The following DIO2 variants were observed in gnomAD, a reference collection of about 807,000 sequenced individuals.
The protein encoded by DIO2 is iodothyronine deiodinase 2.
A neutral mutation model predicts 21.4 loss-of-function variants in DIO2; 19 were observed. The ratio of observed to expected loss-of-function variants is 0.89; its 90% CI spans 0.62 to 1.30. The LOEUF (loss-of-function observed/expected upper bound fraction) is 1.30, where lower values mean the gene tolerates loss of function less well. DIO2 is among the 50% of genes most tolerant of loss of function. The pLI is 0.00. For synonymous variants in DIO2, 122 were observed against 132.9 expected (o/e 0.92, Z 0.57); for missense variants, 302 against 338.1 (o/e 0.89, Z 0.84).
At chr14:80,205,639 C>T (rs1273894352) in intron 1 of DIO2, 3 of 1,333,186 alleles carry the variant, frequency 2.3e-6, no homozygotes, top group Non-Finnish European at 3.0e-6. Flanking sequence ...GGCACCTTCT[C>T]CTTCTTAGAA....
chr14:80,204,203 T>TA (rs1435594859), intron 1 of DIO2, among the ~76,000 whole-genome samples: 2 of 151,772 alleles, frequency 1.3e-5, no homozygotes, highest in Non-Finnish European at 2.9e-5. Flanking sequence ...CAATTTCCAT[T>TA]TAAAAAAAAA....
intron 2 of DIO2, among the ~76,000 whole-genome samples, chr14:80,223,002 C>T (rs960659132): frequency 3.3e-5 from 5 of 151,882 alleles, no homozygotes; most frequent in Non-Finnish European, 7.4e-5. Context: ...GCTAGGATTA[C>T]TGAAGCATAC....
chr14:80,222,015 C>T (rs1173843129), intron 2 of DIO2, among the ~76,000 whole-genome samples: 1 of 152,054 alleles, frequency 6.6e-6, no homozygotes, highest in Non-Finnish European at 1.5e-5. Flanking sequence ...CCCATATCAC[C>T]GATTACTGAG....
Position 80,202,757 on chromosome 14 carries a change from G to T in DIO2, c.754C>A (p.Gln252Lys). ...TTCTCCAGCCAATGCCGGACTTCTT[G>T]AAGGTTGTAGGAGAAGGGGCCCTTT... Reference protein sequence around the residue: ...GGKGPFSYNLQEVRHWLEKNF... With the variant: ...GGKGPFSYNLKEVRHWLEKNF... Residue 252 changes from glutamine (Q) to lysine (K), a missense_variant, in exon 2 of 2, where the codon CAA (glutamine) becomes AAA (lysine). Coordinates refer to ENST00000438257, the MANE Select transcript of DIO2 (RefSeq NM_013989.5). The T allele has an allele frequency of 6.2e-7, 1 of 1,613,938 alleles. No individual in the cohort carries two copies. Among genetic ancestry groups the T allele is most frequent in the Non-Finnish European group, 8.5e-7 (1 of 1,179,888 alleles).
chr14:80,212,711 C>T (rs1450433261), upstream of DIO2, among the ~76,000 whole-genome samples: 1 of 151,982 alleles, frequency 6.6e-6, no homozygotes, highest in Non-Finnish European at 1.5e-5. Context: ...GAGTCATTAT[C>T]TTATTTAAGA....
At position 80,198,790 on chromosome 14, in the gene DIO2, A is replaced by C. The variant is rs1887592513; in HGVS notation, c.*3899T>G. 6.6e-6 allele frequency: 1 copy of C among 152,012 alleles called. No homozygotes were observed. Among genetic ancestry groups the C allele is most frequent in the Non-Finnish European group, 1.5e-5 (1 of 68,000 alleles). 9.4% of individuals were successfully genotyped at this position (152,012 alleles called of 1,614,324 possible). On this transcript the variant is annotated 3_prime_UTR_variant, in exon 2 of 2. Transcript: ENST00000438257. ...TTTAGGGAAAAAAAAAAAAAAAAAA[A>C]AACCTCCTAAAATTAAAAGCCTTAC...
Position 80,199,083 on chromosome 14 carries a change from G to C in DIO2, c.*3606C>G, listed in dbSNP as rs536390334. The C allele has an allele frequency of 6.6e-6, 1 of 152,304 alleles. No individual in the cohort carries two copies. Among genetic ancestry groups the C allele is most frequent in the South Asian group, 2.1e-4 (1 of 4,824 alleles). The allele number at this position is 152,304 out of a possible 1,614,324, so 9.4% of individuals were successfully genotyped here. A position where few individuals can be genotyped will look rare whatever the true frequency, so the allele number is the denominator to read the frequency against. ...GTCAATTCTTCTTGCTTCGCACATAGGCCATAGGGCATGCTGAGGACACCT... is the reference window on the plus strand; with the variant it reads ...GTCAATTCTTCTTGCTTCGCACATACGCCATAGGGCATGCTGAGGACACCT... On this transcript the variant is annotated 3_prime_UTR_variant, in exon 2 of 2. Coordinates refer to ENST00000438257, the MANE Select transcript of DIO2 (RefSeq NM_013989.5).
chr14:80,204,084 G>T (rs1240717174), intron 1 of DIO2, among the ~76,000 whole-genome samples: 2 of 151,820 alleles, frequency 1.3e-5, no homozygotes, highest in Admixed American at 6.6e-5. Context: ...GTTTGTTTTT[G>T]TTTTTTTAAA....
At chr14:80,205,845 T>A (rs780512374) in intron 1 of DIO2, 53 of 544,010 alleles carry the variant, frequency 9.7e-5, no homozygotes, top group Non-Finnish European at 1.3e-4. Context: ...TTTTATTGAA[T>A]GAATGCTAGT....
At chr14:80,214,007 T>G (rs372927096), upstream of DIO2, among the ~76,000 whole-genome samples, 11 of 152,344 alleles carry the variant, frequency 7.2e-5, no homozygotes, top group East Asian at 1.5e-3. Context: ...ATATGCAATG[T>G]ACATTTACTG....
At position 80,229,956 on chromosome 14, in the gene DIO2, A is replaced by T. The variant is rs746776133; in HGVS notation, c.-277-13219T>A. Among the ~76,000 whole-genome samples, 279 of 152,242 alleles carry T rather than the reference A, an allele frequency of 1.8e-3. 3 individuals carry two copies. The highest frequency in any genetic ancestry group is 0.017 in the Middle Eastern group (5 of 294). On this transcript the variant is annotated intron_variant, in intron 2 of 4. Transcript: ENST00000553594. ...TCAACCTCACCTCTAGGGGCCTGCTAGGACTTTAGTTATAGGTCTAGAAGC... is the reference window on the plus strand; with the variant it reads ...TCAACCTCACCTCTAGGGGCCTGCTTGGACTTTAGTTATAGGTCTAGAAGC...
intron 2 of DIO2, among the ~76,000 whole-genome samples, chr14:80,226,733 C>A (rs1044368822): frequency 1.3e-5 from 2 of 152,186 alleles, no homozygotes; most frequent in African/African-American, 4.8e-5. Flanking sequence ...TGTTCATGGG[C>A]CCATTGGGCA....
chr14:80,198,051 A>G lies in DIO2; in HGVS notation c.*4638T>C, dbSNP rs1005865786. The G allele has an allele frequency of 6.6e-6, 1 of 152,642 alleles. No individual in the cohort carries two copies. The highest frequency in any genetic ancestry group is 2.4e-5 in the African/African-American group (1 of 41,454). 9.5% of individuals were successfully genotyped at this position (152,642 alleles called of 1,614,324 possible). On this transcript the variant is annotated 3_prime_UTR_variant, in exon 2 of 2. Transcript: ENST00000438257. ...CATAAAAACCACGCTGACCAGTGAC[A>G]TGGGCCTGGAGAAGTCTTGAGAGAA... is the stretch of plus-strand genomic sequence containing the variant.
At chr14:80,224,044 T>C (rs916520943) in intron 2 of DIO2, among the ~76,000 whole-genome samples, 1 of 152,208 alleles carries the variant, frequency 6.6e-6, no homozygotes, top group African/African-American at 2.4e-5. Context: ...CAAGTAAGGA[T>C]TGCTGACTCT....
chr14:80,213,751 G>C (rs548924599), upstream of DIO2, among the ~76,000 whole-genome samples: 1 of 152,178 alleles, frequency 6.6e-6, no homozygotes, highest in South Asian at 2.1e-4. Context: ...ATGTGAATGG[G>C]GGTGCCCTGG....
At chr14:80,206,390 A>G (rs1887958833) in intron 1 of DIO2, 1 of 971,940 alleles carries the variant, frequency 1.0e-6, no homozygotes, top group East Asian at 2.7e-5. Context: ...CCTTTAACCT[A>G]AAAGAAAATA....
At chr14:80,206,476 G>T in intron 1 of DIO2, 1 of 539,284 alleles carries the variant, frequency 1.9e-6, no homozygotes. Flanking sequence ...ATAGACCAGA[G>T]TTTCAAATGG....
In DIO2 at chr14:80,201,703, A is replaced by C. The variant is rs1346837913; in HGVS notation, c.*986T>G. ...AACCCACTGAAAATATACATACCAC[A>C]TACATGGTTCAAAAGTAATTATTTC... On this transcript the variant is annotated 3_prime_UTR_variant, in exon 2 of 2. Coordinates refer to ENST00000438257, the MANE Select transcript of DIO2 (RefSeq NM_013989.5). The C allele has an allele frequency of 3.3e-5, 5 of 152,272 alleles. No homozygotes were observed. Among genetic ancestry groups the C allele is most frequent in the African/African-American group, 9.7e-5 (4 of 41,448 alleles). 9.4% of individuals were successfully genotyped at this position (152,272 alleles called of 1,614,324 possible).
At chr14:80,221,657 C>T (rs1444635531) in intron 2 of DIO2, among the ~76,000 whole-genome samples, 1 of 152,090 alleles carries the variant, frequency 6.6e-6, no homozygotes, top group Non-Finnish European at 1.5e-5. Context: ...TGTGATAAAA[C>T]AGAAGCAGAT....
Sources: allele counts gnomAD v4.1 joint callset (sites outside exome capture counted in the v4.1 genomes callset), GRCh38; gene constraint gnomAD v4.1.1; transcripts MANE v1.5; gene names NCBI Gene and HGNC (gene_info 2026-07-23, HGNC 2026-07-21).